Variants in GPD2 observed in about 807,000 individuals in gnomAD.
GPD2 encodes the protein glycerol-3-phosphate dehydrogenase, mitochondrial.
Under a neutral mutation model 82.4 loss-of-function variants are expected in GPD2, and 54 were observed. The ratio of observed to expected loss-of-function variants is 0.66; its 90% CI spans 0.53 to 0.82. The LOEUF (loss-of-function observed/expected upper bound fraction) is 0.82, where lower values mean the gene tolerates loss of function less well. Ranked by LOEUF, GPD2 falls within the 40% of genes least tolerant of loss-of-function variation. The pLI, the probability that GPD2 is intolerant of heterozygous loss-of-function variation, is 0.00. For synonymous variants in GPD2, 288 were observed against 306.1 expected, an observed-to-expected ratio of 0.94 and a Z score of 0.62; for missense variants, 748 against 896.2, an observed-to-expected ratio of 0.83 and a Z score of 2.11.
Position 156,455,337 on chromosome 2 carries a change from G to A in GPD2, c.-9+18824G>A, listed in dbSNP as rs577925141. Among the ~76,000 whole-genome samples the A allele has an allele frequency of 3.4e-3, 514 of 152,334 alleles. 10 individuals are homozygous for A. Among genetic ancestry groups the A allele is most frequent in the African/African-American group, 0.012 (495 of 41,576 alleles). On this transcript the variant is annotated intron_variant, in intron 1 of 16. Transcript: ENST00000438166. ...TATCTAATCCTACTAGGAATGTTAT[G>A]AAGATGAATGTAACATATATAAATT...
chr2:156,498,064 T>C (rs1184370125), intron 3 of GPD2, among the ~76,000 whole-genome samples: 1 of 152,188 alleles, frequency 6.6e-6, no homozygotes, highest in African/African-American at 2.4e-5. Flanking sequence ...ATTTTGTATA[T>C]CAAAGAGGAT....
intron 2 of GPD2, among the ~76,000 whole-genome samples, chr2:156,491,102 C>T (rs1684158889): frequency 6.6e-6 from 1 of 152,192 alleles, no homozygotes; most frequent in South Asian, 2.1e-4. Context: ...GTAGTCAGTC[C>T]TTGTACCCCC....
the GPD2 span, among the ~76,000 whole-genome samples, chr2:156,414,450 T>C: frequency 6.6e-6 from 1 of 152,182 alleles, no homozygotes; most frequent in African/African-American, 2.4e-5. Context: ...ATTTAAAGAT[T>C]AGGTCGGTTA....
At chr2:156,519,032 C>G (rs1006084785) in intron 6 of GPD2, among the ~76,000 whole-genome samples, 6 of 152,156 alleles carry the variant, frequency 3.9e-5, no homozygotes, top group African/African-American at 1.4e-4. Flanking sequence ...AGGAGGAACA[C>G]ATTAGAACTT....
chr2:156,435,188 A>G (rs984270543), upstream of GPD2: 11 of 152,334 alleles, frequency 7.2e-5, no homozygotes, highest in African/African-American at 2.4e-4. Context: ...TTTATTTAAA[A>G]AAATACCACT....
intron 6 of GPD2, among the ~76,000 whole-genome samples, chr2:156,529,955 C>T (rs1014042195): frequency 2.6e-5 from 4 of 151,894 alleles, no homozygotes; most frequent in Non-Finnish European, 4.4e-5. Flanking sequence ...CTTTAAAGTA[C>T]TATTTTCCAA....
At position 156,513,525 on chromosome 2, in the gene GPD2, A is replaced by C. The variant is rs767288217; in HGVS notation, c.661+29A>C. The C allele has an allele frequency of 2.1e-5, 33 of 1,538,036 alleles. 1 individual carries two copies. On this transcript the variant is annotated intron_variant, in intron 6 of 16. Transcript: ENST00000438166. ...TGTGATGTTTTTTTTTTTTTTCCTC[A>C]CAAGATACTTTTCTCTCACTCATGA... is the stretch of plus-strand genomic sequence containing the variant.
intron 1 of GPD2, among the ~76,000 whole-genome samples, chr2:156,463,769 A>T (rs1279424744): frequency 1.3e-5 from 2 of 152,158 alleles, no homozygotes; most frequent in Non-Finnish European, 2.9e-5. Context: ...AAGACTATAG[A>T]GTTCTTTTTT....
chr2:156,517,113 C>T (rs894881665), intron 6 of GPD2, among the ~76,000 whole-genome samples: 1 of 152,136 alleles, frequency 6.6e-6, no homozygotes, highest in African/African-American at 2.4e-5. Context: ...GTTCCATGCA[C>T]TCTTCCCTCC....
the GPD2 span, among the ~76,000 whole-genome samples, chr2:156,408,519 A>G: frequency 6.6e-6 from 1 of 151,768 alleles, no homozygotes; most frequent in African/African-American, 2.4e-5. Context: ...TGAGCCCAGG[A>G]GTTTGAGACC....
chr2:156,530,827 G>GT (rs1248522823), intron 6 of GPD2, among the ~76,000 whole-genome samples: 1 of 152,138 alleles, frequency 6.6e-6, no homozygotes, highest in African/African-American at 2.4e-5. Context: ...GCTGGATTCG[G>GT]TTTTTTAAAG....
chr2:156,426,206 A>G, the GPD2 span, among the ~76,000 whole-genome samples: 6 of 152,298 alleles, frequency 3.9e-5, no homozygotes, highest in African/African-American at 9.6e-5. Flanking sequence ...TACAGGCGTG[A>G]GCCACCACGC....
At position 156,571,242 on chromosome 2, in the gene GPD2, A is replaced by T; in HGVS notation, c.1717A>T (p.Ile573Phe). Residue 573 changes from isoleucine to phenylalanine, a missense_variant, in exon 13 of 17, where the codon ATT becomes TTT. Physicochemically the swap from Ile to Phe is conservative, Grantham distance 21 (BLOSUM62 0). Coordinates refer to ENST00000438166, the MANE Select transcript of GPD2 (RefSeq NM_000408.5). ...VQAAEEALPR[I>F]VELMGRELNW... is the part of the protein sequence containing the mutation. ...GGCAGCAGAGGAAGCCCTACCCAGG[A>T]TTGTTGAACTGATGGGCAGGGAACT... The T allele has an allele frequency of 6.2e-7, 1 of 1,612,958 alleles. No homozygotes were observed. The highest frequency in any genetic ancestry group is 1.1e-5 in the South Asian group (1 of 91,000).
intron 3 of GPD2, among the ~76,000 whole-genome samples, chr2:156,503,713 A>T (rs1205639615): frequency 6.6e-6 from 1 of 152,196 alleles, no homozygotes; most frequent in African/African-American, 2.4e-5. Context: ...ATGGTATCAG[A>T]TAGTGTTCTT....
At chr2:156,428,731 T>A in the GPD2 span, among the ~76,000 whole-genome samples, 1 of 152,216 alleles carries the variant, frequency 6.6e-6, no homozygotes, top group South Asian at 2.1e-4. Flanking sequence ...CTCCTTCTAC[T>A]TTACGCCTCC....
chr2:156,482,088 A>C (rs953906559), intron 2 of GPD2, among the ~76,000 whole-genome samples: 6 of 152,238 alleles, frequency 3.9e-5, no homozygotes, highest in African/African-American at 1.4e-4. Context: ...CTCTTATGAG[A>C]TTCCCAAGGG....
rs556923159 is a variant in GPD2, at chr2:156,458,301, TA to T, written c.-8-17796del. ...GTGTTAACTAAAGAGATTCTGTAGT[TA>T]TGGAGTTGAAATTTGGGAAACACCC... On this transcript the variant is annotated intron_variant, in intron 1 of 16. Coordinates refer to ENST00000438166, the MANE Select transcript of GPD2 (RefSeq NM_000408.5). 3.8e-4 allele frequency among the ~76,000 whole-genome samples: 58 copies of T among 152,266 alleles called. 1 individual carries two copies. The highest frequency in any genetic ancestry group is 6.8e-4 in the Non-Finnish European group (46 of 68,014).
intron 1 of GPD2, among the ~76,000 whole-genome samples, chr2:156,445,756 A>G (rs1278182755): frequency 3.9e-5 from 6 of 152,170 alleles, no homozygotes; most frequent in Admixed American, 2.0e-4. Context: ...TTTCTACACA[A>G]TACCTTTTTC....
chr2:156,513,387 A>G lies in GPD2; in HGVS notation c.552A>G (p.Ala184=). ...GAATCAAGCTGTATGATTTGGTTGC[A>G]GGAAGCAATTGCCTAAAAAGCAGTT... is the stretch of plus-strand genomic sequence containing the variant. ...WVGIKLYDLV[A]GSNCLKSSYV... is the part of the protein sequence containing the mutation. Residue 184 remains alanine, a synonymous_variant, in exon 6 of 17, where the codon GCA becomes GCG. Transcript: ENST00000438166. The G allele has an allele frequency of 6.2e-7, 1 of 1,612,274 alleles. No homozygotes were observed. The highest frequency in any genetic ancestry group is 8.5e-7 in the Non-Finnish European group (1 of 1,179,028).
Sources: gnomAD v4.1 joint callset for allele counts (sites outside exome capture counted in the v4.1 genomes callset) on GRCh38, gnomAD v4.1.1 for gene constraint, MANE v1.5 for transcripts, NCBI Gene and HGNC (gene_info 2026-07-23, HGNC 2026-07-21) for gene names.